The following SLC2A13 variants were observed in gnomAD, a reference collection of about 807,000 sequenced individuals.
The protein encoded by SLC2A13 is solute carrier family 2 member 13.
Under a neutral mutation model 64.4 loss-of-function variants are expected in SLC2A13, and 32 were observed. That is an observed-to-expected ratio of 0.50 (90% CI 0.37 to 0.67). SLC2A13 has a LOEUF of 0.67. Among genes scored for constraint, SLC2A13 ranks in the 30% least tolerant of loss-of-function variants. The pLI is 0.00. For missense variants in SLC2A13, 743 were observed against 829.2 expected (o/e 0.90, Z 1.28); for synonymous variants, 338 against 327.1 (o/e 1.03, Z -0.36).
intron 1 of SLC2A13, among the ~76,000 whole-genome samples, chr12:40,099,038 A>G (rs1165895150): frequency 1.3e-5 from 2 of 152,244 alleles, no homozygotes; most frequent in East Asian, 1.9e-4. Flanking sequence ...CCTTGGACAC[A>G]TGCTGCAGAC....
At chr12:39,895,566 A>ACC (rs1565525905) in intron 4 of SLC2A13, among the ~76,000 whole-genome samples, 1 of 137,850 alleles carries the variant, frequency 7.3e-6, no homozygotes, top group African/African-American at 2.7e-5. Context: ...ACACACACAC[A>ACC]CGTGTATATG....
chr12:40,063,485 A>T (rs937753913), intron 1 of SLC2A13, among the ~76,000 whole-genome samples: 5 of 152,064 alleles, frequency 3.3e-5, no homozygotes, highest in Admixed American at 2.6e-4. Flanking sequence ...CTGAAGAAAA[A>T]AAAAAAGCAG....
At chr12:39,812,770 C>T (rs561423168) in intron 7 of SLC2A13, among the ~76,000 whole-genome samples, 17 of 148,432 alleles carry the variant, frequency 1.1e-4, no homozygotes, top group African/African-American at 2.7e-4. Context: ...TTGCACCTGG[C>T]GGTTTCTAAT....
chr12:40,078,750 T>C (rs992578397), intron 1 of SLC2A13, among the ~76,000 whole-genome samples: 2 of 152,214 alleles, frequency 1.3e-5, no homozygotes, highest in East Asian at 1.9e-4. Flanking sequence ...CAGCTGTAAA[T>C]CCCTCTGGTC....
At chr12:39,864,215 C>A (rs895154680) in intron 6 of SLC2A13, among the ~76,000 whole-genome samples, 1 of 152,244 alleles carries the variant, frequency 6.6e-6, no homozygotes, top group African/African-American at 2.4e-5. Flanking sequence ...CTTAGGCCTG[C>A]AGCTAGCCAT....
intron 3 of SLC2A13, among the ~76,000 whole-genome samples, chr12:39,992,655 A>C (rs1947155684): frequency 6.6e-6 from 1 of 152,334 alleles, no homozygotes; most frequent in African/African-American, 2.4e-5. Flanking sequence ...CAAAAAGCTC[A>C]ACAAGCTTGG....
intron 2 of SLC2A13, among the ~76,000 whole-genome samples, chr12:40,042,452 G>A (rs1490644118): frequency 6.6e-6 from 1 of 152,058 alleles, no homozygotes; most frequent in Non-Finnish European, 1.5e-5. Flanking sequence ...TCTCTTGAAG[G>A]AGATAAATTT....
rs1481690292 is a variant in SLC2A13 at position 40,048,096 on chromosome 12, C to T, written c.671G>A (p.Ser224Asn). The change falls in exon 2 of 10, where the codon AGT becomes AAT. Residue 224 changes from serine (S) to asparagine (N), a missense_variant. By Grantham distance (46) the Ser-to-Asn change is conservative. Coordinates refer to ENST00000280871, the MANE Select transcript of SLC2A13 (RefSeq NM_052885.4). ...LFITGGQFFA[S>N]VVDGAFSYLQ... is the part of the protein sequence containing the mutation. ...ATAACTGAAGGCTCCATCAACAACA[C>T]TTGCAAAGAACTGCCCTCCTGTGAT... The T allele has an allele frequency of 1.3e-5, 21 of 1,613,318 alleles. No individual in the cohort carries two copies. Among genetic ancestry groups the T allele is most frequent in the Non-Finnish European group, 1.7e-5 (20 of 1,179,720 alleles).
intron 2 of SLC2A13, among the ~76,000 whole-genome samples, chr12:40,032,650 G>A (rs1947922679): frequency 6.6e-6 from 1 of 152,178 alleles, no homozygotes; most frequent in African/African-American, 2.4e-5. Context: ...GCTCAGCTGA[G>A]CAAGCCTGCT....
At chr12:39,973,943 T>C (rs1284980557) in intron 3 of SLC2A13, among the ~76,000 whole-genome samples, 1 of 152,214 alleles carries the variant, frequency 6.6e-6, no homozygotes, top group Non-Finnish European at 1.5e-5. Context: ...AAGGCACATT[T>C]CCATACCATT....
Position 40,105,886 on chromosome 12 carries a change from G to T in SLC2A13, c.-78C>A. On this transcript the variant is annotated 5_prime_UTR_variant, in exon 1 of 10. Transcript: ENST00000280871. The surrounding 1 kb of genome is among the most constrained non-coding windows in gnomAD (Gnocchi z 4.2). ...CTCGGCGAGCTAGACAGCCCGAGCC[G>T]GCGGGAGCAACCGCCGCTGCCGCCG... The T allele has an allele frequency of 3.2e-6, 4 of 1,267,936 alleles. No homozygotes were observed. The South Asian group carries it at 1.1e-4, about 33-fold the overall frequency. 78.5% of individuals were successfully genotyped at this position (1,267,936 alleles called of 1,614,324 possible).
At chr12:39,966,499 A>C (rs1297097482) in intron 3 of SLC2A13, among the ~76,000 whole-genome samples, 1 of 152,176 alleles carries the variant, frequency 6.6e-6, no homozygotes, top group Admixed American at 6.5e-5. Context: ...GAAACCATAG[A>C]AGTGAGTTCC....
At chr12:40,082,621 C>G (rs1325946598) in intron 1 of SLC2A13, among the ~76,000 whole-genome samples, 1 of 152,092 alleles carries the variant, frequency 6.6e-6, no homozygotes, top group Non-Finnish European at 1.5e-5. Context: ...GGTCTGGCAG[C>G]CAAAAAGGCT....
intron 6 of SLC2A13, among the ~76,000 whole-genome samples, chr12:39,848,652 A>T (rs1265246651): frequency 6.6e-6 from 1 of 152,162 alleles, no homozygotes; most frequent in African/African-American, 2.4e-5. Flanking sequence ...CTACCATTTG[A>T]CCCAGCTCCC....
intron 4 of SLC2A13, among the ~76,000 whole-genome samples, chr12:39,918,125 G>A (rs968589188): frequency 1.3e-5 from 2 of 151,960 alleles, no homozygotes; most frequent in African/African-American, 2.4e-5. Context: ...AGATAATACT[G>A]ACCAACCTTA....
intron 4 of SLC2A13, among the ~76,000 whole-genome samples, chr12:39,942,904 G>T (rs968237203): frequency 6.6e-6 from 1 of 151,886 alleles, no homozygotes; most frequent in African/African-American, 2.4e-5. Flanking sequence ...ATCTACCTCT[G>T]GTCTTTGATG....
chr12:39,830,762 C>A (rs1592180995), intron 6 of SLC2A13, among the ~76,000 whole-genome samples: 1 of 152,262 alleles, frequency 6.6e-6, no homozygotes, highest in East Asian at 1.9e-4. Context: ...TACTACTACT[C>A]AAATATGGCC....
At position 40,028,476 on chromosome 12, in the gene SLC2A13, A is replaced by G. The variant is rs1947857486; in HGVS notation, c.750T>C (p.Val250=). Residue 250 remains valine, a synonymous_variant, in exon 3 of 10, where the codon GTT becomes GTC. Transcript: ENST00000280871. The stretch of plus-strand genomic sequence containing the variant: ...AAAAGAGAAAGCCAAAAAACTGTAT[A>G]ACCGCCGGAACTGCTGCAAGTCCCA... ...YMLGLAAVPA[V]IQFFGFLFLP... 1 of 1,613,928 alleles carries G rather than the reference A, an allele frequency of 6.2e-7. No homozygotes were observed. Among genetic ancestry groups the G allele is most frequent in the African/African-American group, 1.3e-5 (1 of 74,912 alleles).
At chr12:39,969,782 G>A (rs1946607717) in intron 3 of SLC2A13, among the ~76,000 whole-genome samples, 1 of 152,160 alleles carries the variant, frequency 6.6e-6, no homozygotes, top group African/African-American at 2.4e-5. Flanking sequence ...TTCTTTTGCT[G>A]TGCAGAAGCT....
Sources: gnomAD v4.1 joint callset for allele counts (sites outside exome capture counted in the v4.1 genomes callset) on GRCh38, gnomAD v4.1.1 for gene constraint, Gnocchi (gnomAD v3.1) non-coding constraint, MANE v1.5 for transcripts, NCBI Gene and HGNC (gene_info 2026-07-23, HGNC 2026-07-21) for gene names.